CTXND1: variants seen among roughly 807,000 people sequenced by gnomAD.
CTXND1 encodes the protein cortexin domain-containing 1 protein.
At chr15:80,221,297 C>T (rs545466171) in intron 1 of CTXND1, among the ~76,000 whole-genome samples, 1 of 152,134 alleles carries the variant, frequency 6.6e-6, no homozygotes, top group African/African-American at 2.4e-5. Context: ...TTGCACATTG[C>T]CACTTTTTTC....
At chr15:80,212,558 CTT>C (rs989701327) in intron 1 of CTXND1, among the ~76,000 whole-genome samples, 1 of 152,148 alleles carries the variant, frequency 6.6e-6, no homozygotes, top group African/African-American at 2.4e-5. Flanking sequence ...ACTGGACAAT[CTT>C]TTGCTAATGC....
intron 1 of CTXND1, among the ~76,000 whole-genome samples, chr15:80,204,829 T>G (rs181654162): frequency 5.3e-5 from 8 of 152,240 alleles, no homozygotes; most frequent in Admixed American, 5.2e-4. Context: ...GTGGCATTGC[T>G]GGATCATATG....
In CTXND1 at chr15:80,221,123, A is replaced by G. The variant is rs568818624; in HGVS notation, c.-217-17383T>C. ...ACGGGGTTTCACCATGTTAGCCAGG[A>G]TGGTTTCGATTTGCTGACCTCGTGA... On this transcript the variant is annotated intron_variant, in intron 1 of 2. Transcript: ENST00000560778. 3.3e-5 allele frequency among the ~76,000 whole-genome samples: 5 copies of G among 151,916 alleles called. No individual in the cohort carries two copies. The South Asian group carries it at 6.2e-4, about 19-fold the overall frequency.
chr15:80,207,953 T>C (rs543806939), intron 1 of CTXND1, among the ~76,000 whole-genome samples: 2 of 152,360 alleles, frequency 1.3e-5, no homozygotes, highest in Admixed American at 6.5e-5. Context: ...GGGGAAATTA[T>C]TCAGGATTAT....
intron 1 of CTXND1, among the ~76,000 whole-genome samples, chr15:80,246,688 C>G (rs1893634473): frequency 6.6e-6 from 1 of 152,146 alleles, no homozygotes; most frequent in Non-Finnish European, 1.5e-5. Flanking sequence ...GCTAATTTGC[C>G]CAAGCTGGGT....
rs1303882701 is a variant in CTXND1, at chr15:80,201,800, G to A, written c.150C>T (p.Ser50=). The change falls in exon 3 of 3, where the codon TCC becomes TCT. Residue 50 remains serine (S), a synonymous_variant. Transcript: ENST00000560778. ...CGTCCAGGTGCTGCTCCTCCCAGGT[G>A]GATGTGGGGATGGCGCTGTAAGGGT... The part of the protein sequence containing the change: ...IMDPYSAIPT[S]TWEEQHLDD The A allele has an allele frequency of 7.8e-5, 31 of 398,754 alleles. No individual in the cohort carries two copies. The highest frequency in any genetic ancestry group is 3.1e-5 in the Non-Finnish European group (7 of 226,244). 24.7% of individuals were successfully genotyped at this position (398,754 alleles called of 1,614,324 possible).
Position 80,252,169 on chromosome 15 carries a change from C to T in CTXND1, c.-380G>A, listed in dbSNP as rs1893705643. ...CCCGGCTCGGCAGGAGTCAGAGCCC[C>T]CAGCGGCGCGGGCGAGCCCGGGCCA... On this transcript the variant is annotated 5_prime_UTR_variant, in exon 1 of 3. Transcript: ENST00000560778. The T allele has an allele frequency of 6.6e-6, 1 of 151,636 alleles. No individual in the cohort carries two copies. The highest frequency in any genetic ancestry group is 1.5e-5 in the Non-Finnish European group (1 of 67,848). The allele number at this position is 151,636 out of a possible 1,614,324, so 9.4% of individuals were successfully genotyped here. A position where few individuals can be genotyped will look rare whatever the true frequency, so the allele number is the denominator to read the frequency against.
intron 1 of CTXND1, among the ~76,000 whole-genome samples, chr15:80,237,804 T>A (rs1348892425): frequency 6.6e-6 from 1 of 151,570 alleles, no homozygotes; most frequent in Non-Finnish European, 1.5e-5. Context: ...AGGTCAGGAG[T>A]TCGAGACCAG....
intron 1 of CTXND1, among the ~76,000 whole-genome samples, chr15:80,211,819 A>T (rs1893207378): frequency 6.6e-6 from 1 of 152,230 alleles, no homozygotes; most frequent in Non-Finnish European, 1.5e-5. Context: ...CTGCTGAATT[A>T]TGTTACGATA....
chr15:80,205,407 T>A (rs1196440933), intron 1 of CTXND1, among the ~76,000 whole-genome samples: 1 of 152,220 alleles, frequency 6.6e-6, no homozygotes, highest in Non-Finnish European at 1.5e-5. Context: ...TTAATTCTGA[T>A]TGATAGTATT....
At chr15:80,231,876 GT>G (rs1893435679) in intron 1 of CTXND1, among the ~76,000 whole-genome samples, 1 of 152,212 alleles carries the variant, frequency 6.6e-6, no homozygotes, top group African/African-American at 2.4e-5. Flanking sequence ...TTTGGAAGAG[GT>G]TTTTCCATTC....
intron 1 of CTXND1, among the ~76,000 whole-genome samples, chr15:80,246,801 G>A (rs558846272): frequency 6.6e-6 from 1 of 152,250 alleles, no homozygotes; most frequent in African/African-American, 2.4e-5. Flanking sequence ...AGGAAGTTGC[G>A]GTTCAGGGAT....
In CTXND1 at chr15:80,239,158, G is replaced by A. The variant is rs922259593; in HGVS notation, c.-218+12849C>T. The stretch of plus-strand genomic sequence containing the variant: ...TCACGCCAGCCCTGGAGGCTCTGCC[G>A]TCTGAAGCCCTTCCCACCAGCTCTG... On this transcript the variant is annotated intron_variant, in intron 1 of 2. Transcript: ENST00000560778. Among the ~76,000 whole-genome samples, 4 of 152,112 alleles carry A rather than the reference G, an allele frequency of 2.6e-5. No homozygotes were observed. The South Asian group carries it at 6.2e-4, about 24-fold the overall frequency.
At chr15:80,234,276 C>T (rs1006730566) in intron 1 of CTXND1, among the ~76,000 whole-genome samples, 1 of 152,072 alleles carries the variant, frequency 6.6e-6, no homozygotes, top group African/African-American at 2.4e-5. Context: ...GACCAGGGGA[C>T]ATTTGGATGA....
At chr15:80,216,271 T>C (rs529706587) in intron 1 of CTXND1, among the ~76,000 whole-genome samples, 2 of 152,322 alleles carry the variant, frequency 1.3e-5, no homozygotes, top group African/African-American at 4.8e-5. Flanking sequence ...ATTGATAGTA[T>C]TTCCCCTAAA....
intron 1 of CTXND1, among the ~76,000 whole-genome samples, chr15:80,230,185 G>C (rs188542782): frequency 6.6e-6 from 1 of 152,318 alleles, no homozygotes; most frequent in Admixed American, 6.5e-5. Context: ...AATCAATTCT[G>C]TTTCCAGATC....
rs898240693 is a variant in CTXND1, at chr15:80,198,658, C to T, written c.*3112G>A. 6.6e-6 allele frequency: 1 copy of T among 152,216 alleles called. No individual in the cohort carries two copies. The allele number at this position is 152,216 out of a possible 1,614,324, so 9.4% of individuals were successfully genotyped here. A position where few individuals can be genotyped will look rare whatever the true frequency, so the allele number is the denominator to read the frequency against. On this transcript the variant is annotated 3_prime_UTR_variant, in exon 3 of 3. Transcript: ENST00000560778. ...AGTTCTTAGACAGGTCTCCCTCCCC[C>T]ATGTGCTCCATGTGTCTCTTAAATG... is the stretch of plus-strand genomic sequence containing the variant.
At chr15:80,224,036 T>C (rs1228788338) in intron 1 of CTXND1, among the ~76,000 whole-genome samples, 6 of 152,128 alleles carry the variant, frequency 3.9e-5, no homozygotes, top group Admixed American at 3.9e-4. Context: ...CTGTTTTCTC[T>C]TGGGACACTC....
At chr15:80,242,708 C>T (rs1034151611) in intron 1 of CTXND1, among the ~76,000 whole-genome samples, 1 of 152,216 alleles carries the variant, frequency 6.6e-6, no homozygotes, top group Middle Eastern at 3.4e-3. Flanking sequence ...ACATAAAATT[C>T]AGGATTTCTG....
Sources: allele counts gnomAD v4.1 joint callset (sites outside exome capture counted in the v4.1 genomes callset), GRCh38; gene constraint gnomAD v4.1.1; transcripts MANE v1.5; gene names NCBI Gene and HGNC (gene_info 2026-07-23, HGNC 2026-07-21).